ATP9B: variants seen among roughly 807,000 people sequenced by gnomAD.
The protein encoded by ATP9B is ATPase phospholipid transporting 9B, also known as probable phospholipid-transporting ATPase IIB.
Under a neutral mutation model 146.1 loss-of-function variants are expected in ATP9B, and 110 were observed. The ratio of observed to expected loss-of-function variants is 0.75; its 90% CI spans 0.65 to 0.88. The LOEUF (loss-of-function observed/expected upper bound fraction) is 0.88, where lower values mean the gene tolerates loss of function less well. ATP9B is among the 40% of genes least tolerant of loss of function. ATP9B has a pLI of 0.00. For missense variants in ATP9B, 1,499 were observed against 1,496.4 expected (o/e 1.00, Z -0.03); for synonymous variants, 604 against 569.7 (o/e 1.06, Z -0.86).
Position 79,113,329 on chromosome 18 carries a change from A to C in ATP9B, c.533A>C (p.Tyr178Ser), listed in dbSNP as rs1448016930. 1.3e-6 allele frequency: 2 copies of C among 1,583,662 alleles called. No homozygotes were observed. Among genetic ancestry groups the C allele is most frequent in the South Asian group, 1.1e-5 (1 of 89,000 alleles). ...SQFVPALKIG[Y>S]LYTYWAPLGF... ...TTTGTACCAGCATTGAAAATAGGCTATCTCTACACCTACTGGGCTCCTCTG... is the reference window on the plus strand; with the variant it reads ...TTTGTACCAGCATTGAAAATAGGCTCTCTCTACACCTACTGGGCTCCTCTG... Residue 178 changes from tyrosine to serine, a missense_variant, in exon 4 of 30, where the codon TAT (tyrosine) becomes TCT (serine). Coordinates refer to ENST00000426216, the MANE Select transcript of ATP9B (RefSeq NM_198531.5).
chr18:79,300,649 A>G (rs938621067), intron 13 of ATP9B, among the ~76,000 whole-genome samples: 3 of 152,226 alleles, frequency 2.0e-5, no homozygotes, highest in Admixed American at 2.0e-4. Context: ...CTGCACTTGC[A>G]GCTGACTCCA....
intron 1 of ATP9B, among the ~76,000 whole-genome samples, chr18:79,083,528 T>C (rs536076269): frequency 5.3e-5 from 8 of 152,208 alleles, no homozygotes; most frequent in African/African-American, 1.9e-4. Flanking sequence ...TGCAGGGCCC[T>C]GGTGGTGTAG....
intron 15 of ATP9B, among the ~76,000 whole-genome samples, chr18:79,318,357 C>T (rs756348117): frequency 3.3e-5 from 5 of 152,248 alleles, no homozygotes; most frequent in African/African-American, 7.2e-5. Flanking sequence ...TGGTCAACAG[C>T]ACCTCACCTT....
chr18:79,353,838 TAGGG>T (rs2096935500), intron 25 of ATP9B: 1 of 152,132 alleles, frequency 6.6e-6, no homozygotes, highest in Non-Finnish European at 1.5e-5. Context: ...GTTGAAGAGA[TAGGG>T]AGGGGTTGTT....
chr18:79,136,506 T>C (rs1163613044), intron 5 of ATP9B, among the ~76,000 whole-genome samples: 1 of 152,246 alleles, frequency 6.6e-6, no homozygotes. Context: ...GCATTAAATA[T>C]GGAAAGTGTT....
At chr18:79,121,337 C>T (rs2094185850) in intron 4 of ATP9B, among the ~76,000 whole-genome samples, 1 of 152,212 alleles carries the variant, frequency 6.6e-6, no homozygotes, top group South Asian at 2.1e-4. Context: ...ACTGCTGTTT[C>T]CAGGATGACA....
At chr18:79,253,650 T>A in intron 12 of ATP9B, 109 bp downstream of exon 12, 1 of 1,208,888 alleles carries the variant, frequency 8.3e-7, no homozygotes, top group Non-Finnish European at 1.1e-6. Flanking sequence ...GCTAGAGAAG[T>A]AGGAGCCAGA....
chr18:79,220,622 T>TA (rs1206641761), intron 11 of ATP9B, among the ~76,000 whole-genome samples: 2 of 151,826 alleles, frequency 1.3e-5, no homozygotes, highest in African/African-American at 2.4e-5. Flanking sequence ...ATAGATTAAT[T>TA]AAAAAAAATA....
chr18:79,348,263 AAAAAAAC>A lies in ATP9B; in HGVS notation c.2903+75_2903+81del, dbSNP rs1231993057. ...CTTCTATTTTGAAAAAAAAAAAAAAAAAAAAACAAAAAACGTATATAGAAGATTCTTG... is the reference window on the plus strand; with the variant it reads ...CTTCTATTTTGAAAAAAAAAAAAAAAAAAAAACGTATATAGAAGATTCTTG... On this transcript the variant is annotated intron_variant, in intron 25 of 29. Transcript: ENST00000426216. 1,096 of 1,232,088 alleles carry A rather than the reference AAAAAAAC, an allele frequency of 8.9e-4. 4 individuals carry two copies. The African/African-American group carries it at 0.015, about 17-fold the overall frequency. 76.3% of individuals were successfully genotyped at this position (1,232,088 alleles called of 1,614,324 possible). A position where few individuals can be genotyped will look rare whatever the true frequency, so the allele number is the denominator to read the frequency against.
At chr18:79,253,622 A>G (rs1190260101) in intron 12 of ATP9B, 81 bp downstream of exon 12, 4 of 1,396,764 alleles carry the variant, frequency 2.9e-6, no homozygotes, top group Non-Finnish European at 3.8e-6. Context: ...TCAGTATGAA[A>G]GAAATTACCC....
intron 2 of ATP9B, 72 bp from the exon 3 acceptor site, chr18:79,110,283 T>A: frequency 7.2e-7 from 1 of 1,387,352 alleles, no homozygotes. Context: ...TGACTCTAAA[T>A]ATGTACAATT....
At chr18:79,153,599 G>C (rs1450411696) in intron 6 of ATP9B, among the ~76,000 whole-genome samples, 2 of 151,790 alleles carry the variant, frequency 1.3e-5, no homozygotes, top group Admixed American at 1.3e-4. Flanking sequence ...TACATGTACA[G>C]ACTAACAGAG....
intron 26 of ATP9B, among the ~76,000 whole-genome samples, chr18:79,371,512 CA>C (rs1374774371): frequency 4.0e-5 from 6 of 151,726 alleles, no homozygotes; most frequent in African/African-American, 1.2e-4. Flanking sequence ...CCTAGGAAAA[CA>C]CTTAACATAT....
At chr18:79,256,650 T>C (rs1351856111) in intron 12 of ATP9B, among the ~76,000 whole-genome samples, 1 of 152,096 alleles carries the variant, frequency 6.6e-6, no homozygotes, top group Non-Finnish European at 1.5e-5. Context: ...TTAAGCTTTA[T>C]CTTTACTCTC....
intron 1 of ATP9B, among the ~76,000 whole-genome samples, chr18:79,078,332 C>T (rs1194696884): frequency 2.0e-5 from 3 of 152,146 alleles, no homozygotes; most frequent in Non-Finnish European, 4.4e-5. Flanking sequence ...CTCTCTAGTA[C>T]ACAACATGGG....
intron 8 of ATP9B, among the ~76,000 whole-genome samples, chr18:79,186,470 T>C (rs985631387): frequency 6.6e-6 from 1 of 152,154 alleles, no homozygotes; most frequent in African/African-American, 2.4e-5. Context: ...GATGTGTGTG[T>C]AGAAATGAGC....
intron 11 of ATP9B, among the ~76,000 whole-genome samples, chr18:79,228,882 T>C (rs1309441286): frequency 6.6e-6 from 1 of 151,942 alleles, no homozygotes; most frequent in Non-Finnish European, 1.5e-5. Flanking sequence ...AAAAATTAGG[T>C]GGGTGTGGTA....
intron 15 of ATP9B, 53 bp from the exon 16 acceptor site, chr18:79,329,088 C>T (rs1282044661): frequency 5.5e-6 from 8 of 1,448,910 alleles, no homozygotes; most frequent in South Asian, 3.0e-5. Flanking sequence ...GGCTCGCCTG[C>T]GTGCGGCTTT....
rs564999973 is a variant in ATP9B, at chr18:79,334,727, G to A, written c.2029-1901G>A. Among the ~76,000 whole-genome samples, 58 of 152,146 alleles carry A rather than the reference G, an allele frequency of 3.8e-4. 1 individual carries two copies. The South Asian group carries it at 0.012, about 31-fold the overall frequency. On this transcript the variant is annotated intron_variant, in intron 17 of 29. Coordinates refer to ENST00000426216, the MANE Select transcript of ATP9B (RefSeq NM_198531.5). ...GTGCTCACAGCTAAGTCCTACACAC[G>A]CCTGGCCCCCAGGAGACCCACCGGC...
Sources: allele counts gnomAD v4.1 joint callset (sites outside exome capture counted in the v4.1 genomes callset), GRCh38; gene constraint gnomAD v4.1.1; transcripts MANE v1.5; gene names NCBI Gene and HGNC (gene_info 2026-07-23, HGNC 2026-07-21).